Variants in HERC1 observed in about 807,000 individuals in gnomAD.
The protein encoded by HERC1 is probable E3 ubiquitin-protein ligase HERC1.
A neutral mutation model predicts 554.3 loss-of-function variants in HERC1; 160 were observed. The observed-to-expected ratio is 0.29, with a 90% CI of 0.25 to 0.33. HERC1 has a LOEUF of 0.33. HERC1 is among the 10% of genes least tolerant of loss of function. The pLI, the probability that HERC1 is intolerant of heterozygous loss-of-function variation, is 1.00. For missense variants in HERC1, 4,919 were observed against 5,918.5 expected (o/e 0.83, Z 5.54); for synonymous variants, 2,175 against 2,131.7 (o/e 1.02, Z -0.56).
rs190991795 is a variant in HERC1 at position 63,626,060 on chromosome 15, C to T, written c.13200G>A (p.Arg4400=). 2.7e-5 allele frequency: 43 copies of T among 1,613,340 alleles called. No homozygotes were observed. The highest frequency in any genetic ancestry group is 3.4e-5 in the Non-Finnish European group (40 of 1,179,628). The change falls in exon 71 of 78, where the codon AGG becomes AGA. Residue 4400 remains arginine (R), a synonymous_variant. Coordinates refer to ENST00000443617, the MANE Select transcript of HERC1 (RefSeq NM_003922.4). ...CAGAGAAGTGGTAGAGCAGCCGGAG[C>T]CTGGCCCGCACCGTGTGAATGCTGA... ...REVSIHTVRA[R]LRLLYHFSDL... is the part of the protein sequence containing the mutation.
intron 34 of HERC1, among the ~76,000 whole-genome samples, chr15:63,682,673 G>C (rs1269674084): frequency 6.6e-6 from 1 of 152,158 alleles, no homozygotes; most frequent in Non-Finnish European, 1.5e-5. Context: ...CTTAAGCTGA[G>C]CTTTTGCTAT....
chr15:63,790,012 G>A (rs1175323463), intron 1 of HERC1, among the ~76,000 whole-genome samples: 2 of 152,028 alleles, frequency 1.3e-5, no homozygotes, highest in Admixed American at 1.3e-4. Context: ...GAACAGCTAG[G>A]TTTGAATCTA....
At chr15:63,636,567 G>A (rs935543834) in intron 64 of HERC1, among the ~76,000 whole-genome samples, 4 of 152,064 alleles carry the variant, frequency 2.6e-5, no homozygotes, top group African/African-American at 7.2e-5. Context: ...CACAGTAACC[G>A]GCCTAATTTC....
intron 19 of HERC1, among the ~76,000 whole-genome samples, chr15:63,720,722 T>C (rs2073783162): frequency 6.6e-6 from 1 of 152,154 alleles, no homozygotes. Context: ...ATCCATTCCA[T>C]GGAATTGCTT....
Position 63,678,108 on chromosome 15 carries a change from C to T in HERC1, c.6807G>A (p.Met2269Ile), listed in dbSNP as rs945208143. The T allele has an allele frequency of 1.2e-6, 2 of 1,614,018 alleles. No individual in the cohort carries two copies. The highest frequency in any genetic ancestry group is 1.7e-5 in the Admixed American group (1 of 60,026). ...CCTCTTTGCTCTCCTTCTCCTCTCTCATTTCATTTTCCTCTCGGCTCTGAA... is the reference window on the plus strand; with the variant it reads ...CCTCTTTGCTCTCCTTCTCCTCTCTTATTTCATTTTCCTCTCGGCTCTGAA... ...RSVQSREENE[M>I]REEKESKEEE... Residue 2269 changes from methionine to isoleucine, a missense_variant, in exon 37 of 78, where the codon ATG becomes ATA. Met to Ile is a conservative substitution (Grantham distance 10). Around this residue, in one of 11 missense-constraint regions of HERC1, gnomAD observed 1,963 missense variants for 2,228.6 expected, o/e 0.88. Coordinates refer to ENST00000443617, the MANE Select transcript of HERC1 (RefSeq NM_003922.4).
chr15:63,736,914 C>A (rs2074530259), intron 12 of HERC1, among the ~76,000 whole-genome samples: 1 of 151,936 alleles, frequency 6.6e-6, no homozygotes, highest in African/African-American at 2.4e-5. Flanking sequence ...GCCATAGCAT[C>A]ACACTCTTAC....
At chr15:63,635,022 T>C (rs1243956069) in intron 65 of HERC1, 134 bp from the exon 66 acceptor site, 4 of 605,180 alleles carry the variant, frequency 6.6e-6, no homozygotes, top group East Asian at 6.2e-5. Context: ...CAAAGACCAA[T>C]GCTTTTAAAA....
At chr15:63,721,007 TACA>T (rs2073794775) in intron 19 of HERC1, among the ~76,000 whole-genome samples, 1 of 152,110 alleles carries the variant, frequency 6.6e-6, no homozygotes, top group Non-Finnish European at 1.5e-5. Flanking sequence ...AACAGACCCA[TACA>T]ACAAGTTTTT....
intron 39 of HERC1, among the ~76,000 whole-genome samples, chr15:63,671,091 T>C (rs1240956852): frequency 6.6e-6 from 1 of 151,024 alleles, no homozygotes; most frequent in East Asian, 2.0e-4. Flanking sequence ...TAATCCCAAC[T>C]ACTCAGGAGG....
chr15:63,652,241 T>C (rs2069729755), intron 52 of HERC1, among the ~76,000 whole-genome samples, 173 bp downstream of exon 52: 1 of 152,200 alleles, frequency 6.6e-6, no homozygotes, highest in African/African-American at 2.4e-5. Flanking sequence ...AATTATGTTT[T>C]CTGAATTGTT....
intron 40 of HERC1, among the ~76,000 whole-genome samples, chr15:63,667,585 G>C (rs187995024): frequency 6.6e-6 from 1 of 152,186 alleles, no homozygotes; most frequent in East Asian, 1.9e-4. Flanking sequence ...TGGAGCTTAT[G>C]TGTAAAAGTG....
intron 25 of HERC1, among the ~76,000 whole-genome samples, chr15:63,700,454 T>G (rs988583825): frequency 6.6e-6 from 1 of 152,144 alleles, no homozygotes; most frequent in African/African-American, 2.4e-5. Flanking sequence ...AACAACAATA[T>G]TCAATGTAGA....
chr15:63,808,586 C>A (rs779507451), intron 1 of HERC1, among the ~76,000 whole-genome samples: 5 of 152,100 alleles, frequency 3.3e-5, no homozygotes, highest in African/African-American at 7.2e-5. Context: ...GTACACTGCT[C>A]ATCAATATAC....
At chr15:63,788,581 G>A (rs2076528311) in intron 1 of HERC1, among the ~76,000 whole-genome samples, 2 of 152,272 alleles carry the variant, frequency 1.3e-5, no homozygotes, top group African/African-American at 4.8e-5. Flanking sequence ...TACTACCACA[G>A]TTGTGGATTT....
At chr15:63,736,907 A>C (rs1267403604) in intron 12 of HERC1, among the ~76,000 whole-genome samples, 3 of 152,050 alleles carry the variant, frequency 2.0e-5, no homozygotes, top group Non-Finnish European at 4.4e-5. Context: ...ACGCCCGGCC[A>C]TAGCATCACA....
At chr15:63,766,730 T>C (rs1453298501) in intron 2 of HERC1, among the ~76,000 whole-genome samples, 1 of 152,244 alleles carries the variant, frequency 6.6e-6, no homozygotes, top group Non-Finnish European at 1.5e-5. Flanking sequence ...CAGGCTGGAG[T>C]GCAATGGCAC....
intron 1 of HERC1, among the ~76,000 whole-genome samples, chr15:63,808,675 T>TA (rs1451894170): frequency 6.6e-6 from 1 of 152,204 alleles, no homozygotes; most frequent in Non-Finnish European, 1.5e-5. Flanking sequence ...TCTGTTACGG[T>TA]AATAGATACA....
intron 44 of HERC1, 37 bp downstream of exon 44, chr15:63,662,947 A>G (rs771193060): frequency 6.5e-7 from 1 of 1,530,398 alleles, no homozygotes; most frequent in African/African-American, 1.4e-5. Flanking sequence ...AGGGCAGGAA[A>G]ATAAGTCAGA....
At chr15:63,729,780 T>G (rs1263845774) in intron 14 of HERC1, 131 bp from the exon 15 acceptor site, 18 of 809,294 alleles carry the variant, frequency 2.2e-5, no homozygotes, top group Non-Finnish European at 3.3e-5. Context: ...CCCAGCACTT[T>G]GGGAGTCCGA....
Sources: allele counts gnomAD v4.1 joint callset (sites outside exome capture counted in the v4.1 genomes callset), GRCh38; gene constraint gnomAD v4.1.1; regional missense constraint gnomAD v4.1.1; transcripts MANE v1.5; gene names NCBI Gene and HGNC (gene_info 2026-07-23, HGNC 2026-07-21).